WDFY4: variants seen among roughly 807,000 people sequenced by gnomAD.
WDFY4 encodes WDFY family member 4.
WDFY4 carries 169 observed loss-of-function variants against 351.9 expected under a neutral mutation model. The ratio of observed to expected loss-of-function variants is 0.48; its 90% CI spans 0.42 to 0.55. WDFY4 has a LOEUF of 0.55. Among genes scored for constraint, WDFY4 ranks in the 20% least tolerant of loss-of-function variants. The probability of loss-of-function intolerance (pLI) is 0.00; values close to 1 mark genes in which losing one functional copy is unlikely to be tolerated. For missense variants in WDFY4, 3,803 were observed against 3,935.6 expected, an observed-to-expected ratio of 0.97 and a Z score of 0.90; for synonymous variants, 1,622 against 1,574.6, an observed-to-expected ratio of 1.03 and a Z score of -0.71.
chr10:48,870,377 A>C (rs966931090), intron 40 of WDFY4, among the ~76,000 whole-genome samples: 3 of 152,170 alleles, frequency 2.0e-5, no homozygotes, highest in African/African-American at 7.2e-5. Context: ...CTCAAAAAAA[A>C]GTAGTTAAAA....
chr10:48,783,894 A>C (rs2066308012), intron 19 of WDFY4, among the ~76,000 whole-genome samples: 1 of 152,220 alleles, frequency 6.6e-6, no homozygotes, highest in African/African-American at 2.4e-5. Context: ...TAAAAATATG[A>C]TATTATTATC....
chr10:48,718,359 C>T (rs1174018093), intron 2 of WDFY4, among the ~76,000 whole-genome samples: 1 of 152,072 alleles, frequency 6.6e-6, no homozygotes, highest in Non-Finnish European at 1.5e-5. Flanking sequence ...TTTTTGAAGG[C>T]TTTTATGTTT....
chr10:48,731,829 G>A (rs962202248), intron 9 of WDFY4, among the ~76,000 whole-genome samples: 1 of 152,204 alleles, frequency 6.6e-6, no homozygotes, highest in Non-Finnish European at 1.5e-5. Context: ...GACATTGTGT[G>A]GGTGTATAGA....
At chr10:48,938,047 A>G (rs1239828611) in intron 47 of WDFY4, among the ~76,000 whole-genome samples, 1 of 152,222 alleles carries the variant, frequency 6.6e-6, no homozygotes, top group African/African-American at 2.4e-5. Flanking sequence ...CACACGCATC[A>G]GCAGGCCTGT....
intron 39 of WDFY4, among the ~76,000 whole-genome samples, chr10:48,849,149 C>T (rs541042580): frequency 6.6e-6 from 1 of 152,208 alleles, no homozygotes; most frequent in South Asian, 2.1e-4. Context: ...CATTGCTTTC[C>T]TTTATGGATT....
intron 52 of WDFY4, among the ~76,000 whole-genome samples, chr10:48,958,192 A>C (rs1039069773): frequency 1.3e-5 from 2 of 152,218 alleles, no homozygotes; most frequent in Non-Finnish European, 2.9e-5. Flanking sequence ...AGCCCTAGAC[A>C]TGCAGCCCAC....
rs1406305590 is a variant in WDFY4, at chr10:48,832,700, C to T, written c.6654C>T (p.Cys2218=). 1 of 1,546,816 alleles carries T rather than the reference C, an allele frequency of 6.5e-7. No homozygotes were observed. The highest frequency in any genetic ancestry group is 8.7e-7 in the Non-Finnish European group (1 of 1,144,232). Residue 2218 remains cysteine (C), a synonymous_variant, in exon 39 of 62, where the codon TGC becomes TGT. Transcript: ENST00000325239. ...MPGRQAKDPE[C]KTEDFVSCIE... ...GGCGGCAGGCCAAGGACCCTGAGTG[C>T]AAGACAGAGGTGAGCCCAGACCCCT...
At chr10:48,838,257 A>C (rs1729809184) in intron 39 of WDFY4, among the ~76,000 whole-genome samples, 1 of 152,188 alleles carries the variant, frequency 6.6e-6, no homozygotes, top group South Asian at 2.1e-4. Flanking sequence ...GGGTCCCCTA[A>C]AGGCTGCCCT....
chr10:48,825,804 G>A (rs937649183), intron 35 of WDFY4, among the ~76,000 whole-genome samples: 6 of 152,034 alleles, frequency 3.9e-5, no homozygotes, highest in Non-Finnish European at 5.9e-5. Flanking sequence ...TAATGGGGTC[G>A]TTTGGTTTTT....
At chr10:48,949,072 T>C (rs1841193746) in intron 51 of WDFY4, among the ~76,000 whole-genome samples, 1 of 152,214 alleles carries the variant, frequency 6.6e-6, no homozygotes, top group African/African-American at 2.4e-5. Context: ...CAACCAATTG[T>C]CCATGCTTTT....
chr10:48,835,439 C>T (rs188132842), intron 39 of WDFY4, among the ~76,000 whole-genome samples: 1 of 152,136 alleles, frequency 6.6e-6, no homozygotes, highest in Non-Finnish European at 1.5e-5. Flanking sequence ...CACTGAGGTG[C>T]ATGTGTGCTG....
chr10:48,856,855 A>C (rs536467947), intron 39 of WDFY4, among the ~76,000 whole-genome samples: 1 of 152,330 alleles, frequency 6.6e-6, no homozygotes, highest in Non-Finnish European at 1.5e-5. Context: ...TGCTGAAGTT[A>C]ACACCACTCT....
At chr10:48,751,034 T>C (rs568655575) in intron 12 of WDFY4, among the ~76,000 whole-genome samples, 7 of 152,354 alleles carry the variant, frequency 4.6e-5, no homozygotes, top group Non-Finnish European at 7.3e-5. Flanking sequence ...AGACACCTGA[T>C]GTGCAGTTGT....
chr10:48,720,259 C>A, intron 3 of WDFY4, 134 bp downstream of exon 3: 1 of 895,168 alleles, frequency 1.1e-6, no homozygotes, highest in South Asian at 1.7e-5. Flanking sequence ...GTAGGCCCCA[C>A]TCTGCCACTG....
intron 31 of WDFY4, among the ~76,000 whole-genome samples, chr10:48,816,781 T>C (rs2067632930): frequency 6.6e-6 from 1 of 152,206 alleles, no homozygotes; most frequent in African/African-American, 2.4e-5. Context: ...AGGTTAAATT[T>C]CTATATTAAA....
chr10:48,920,973 T>G (rs1316354365), intron 47 of WDFY4, among the ~76,000 whole-genome samples: 4 of 152,102 alleles, frequency 2.6e-5, no homozygotes, highest in African/African-American at 4.8e-5. Context: ...ATAATGAAAA[T>G]TATAAAATGC....
intron 5 of WDFY4, 102 bp from the exon 6 acceptor site, chr10:48,725,779 A>G: frequency 1.7e-6 from 2 of 1,198,788 alleles, no homozygotes; most frequent in Admixed American, 2.2e-5. Context: ...CTTCTCACAG[A>G]GACATGCTCA....
chr10:48,876,132 G>A (rs1461413845), intron 42 of WDFY4, among the ~76,000 whole-genome samples: 1 of 152,206 alleles, frequency 6.6e-6, no homozygotes, highest in Non-Finnish European at 1.5e-5. Flanking sequence ...TGAGTAGGGA[G>A]CTCAGCCAAA....
Position 48,913,731 on chromosome 10 carries a change from G to A in WDFY4, c.7586+11868G>A, listed in dbSNP as rs763695309. 9.3e-6 allele frequency: 15 copies of A among 1,613,092 alleles called. No individual in the cohort carries two copies. In the African/African-American group the frequency reaches 1.7e-4, roughly 19 times the overall value. ...CCCTACCTCGTGGAGCTCCTTCAGG[G>A]CCCCCAGTGTGGTGGGCACGCTGTC... On this transcript the variant is annotated intron_variant, in intron 47 of 61. Coordinates refer to ENST00000325239, the MANE Select transcript of WDFY4 (RefSeq NM_001394531.1).
Sources: allele counts gnomAD v4.1 joint callset (sites outside exome capture counted in the v4.1 genomes callset), GRCh38; gene constraint gnomAD v4.1.1; transcripts MANE v1.5; gene names NCBI Gene and HGNC (gene_info 2026-07-23, HGNC 2026-07-21).